DOCK3: variants seen among roughly 807,000 people sequenced by gnomAD.
The protein encoded by DOCK3 is dedicator of cytokinesis 3.
A neutral mutation model predicts 265.6 loss-of-function variants in DOCK3; 60 were observed. The ratio of observed to expected loss-of-function variants is 0.23; its 90% CI spans 0.18 to 0.28. The LOEUF (loss-of-function observed/expected upper bound fraction) is 0.28, where lower values mean the gene tolerates loss of function less well. Ranked by LOEUF, DOCK3 falls within the 10% of genes least tolerant of loss-of-function variation. The pLI is 1.00. For missense variants in DOCK3, 1,981 were observed against 2,594.3 expected (o/e 0.76, Z 5.14); for synonymous variants, 881 against 938.0 (o/e 0.94, Z 1.11).
chr3:50,867,243 T>A (rs1224033456), intron 3 of DOCK3, among the ~76,000 whole-genome samples: 1 of 152,222 alleles, frequency 6.6e-6, no homozygotes, highest in Non-Finnish European at 1.5e-5. Context: ...TGTTGGCATA[T>A]AGAAATGCTA....
chr3:50,885,758 T>C (rs899082716), intron 3 of DOCK3, among the ~76,000 whole-genome samples: 2 of 152,086 alleles, frequency 1.3e-5, no homozygotes, highest in Admixed American at 1.3e-4. Flanking sequence ...CCCTAAACAG[T>C]CAGCCACCTC....
At chr3:50,694,831 AC>A (rs2035506152) in intron 1 of DOCK3, among the ~76,000 whole-genome samples, 1 of 152,206 alleles carries the variant, frequency 6.6e-6, no homozygotes, top group Non-Finnish European at 1.5e-5. Context: ...AAACAAAAAA[AC>A]AAATGAAAAA....
At chr3:50,699,541 C>T (rs1349328151) in intron 1 of DOCK3, among the ~76,000 whole-genome samples, 1 of 151,254 alleles carries the variant, frequency 6.6e-6, no homozygotes, top group African/African-American at 2.4e-5. Flanking sequence ...CAACCTCTGC[C>T]TCCTGGGTTC....
intron 21 of DOCK3, among the ~76,000 whole-genome samples, chr3:51,246,380 G>A (rs373507337): frequency 1.1e-4 from 16 of 152,064 alleles, no homozygotes; most frequent in East Asian, 7.7e-4. Flanking sequence ...CTACAGGCAC[G>A]CACCACCATG....
At chr3:51,135,421 T>C (rs570652851) in intron 9 of DOCK3, among the ~76,000 whole-genome samples, 1 of 152,340 alleles carries the variant, frequency 6.6e-6, no homozygotes, top group South Asian at 2.1e-4. Context: ...ATGCTGCTTC[T>C]CAAGTTTGAA....
At chr3:51,002,402 T>C (rs1223923025) in intron 5 of DOCK3, among the ~76,000 whole-genome samples, 1 of 152,244 alleles carries the variant, frequency 6.6e-6, no homozygotes, top group Admixed American at 6.5e-5. Context: ...GTTTGTCTTT[T>C]CATTTCTTAG....
intron 27 of DOCK3, among the ~76,000 whole-genome samples, chr3:51,301,670 T>C (rs1576713491): frequency 2.0e-5 from 3 of 152,196 alleles, no homozygotes; most frequent in African/African-American, 7.2e-5. Flanking sequence ...TCTTGATTTC[T>C]GCCTTACTTT....
chr3:50,795,546 T>C (rs1440505630), intron 2 of DOCK3, among the ~76,000 whole-genome samples: 2 of 152,170 alleles, frequency 1.3e-5, no homozygotes, highest in East Asian at 1.9e-4. Context: ...CACACCCAGC[T>C]AATTTTTGTA....
chr3:51,069,920 TAGC>T (rs1335374446), intron 6 of DOCK3, among the ~76,000 whole-genome samples: 2 of 152,232 alleles, frequency 1.3e-5, no homozygotes, highest in African/African-American at 4.8e-5. Flanking sequence ...CACCTGAAAT[TAGC>T]AGAAGTTTTC....
intron 2 of DOCK3, among the ~76,000 whole-genome samples, chr3:50,836,808 T>C (rs1025306213): frequency 3.9e-5 from 6 of 152,196 alleles, no homozygotes; most frequent in African/African-American, 1.4e-4. Flanking sequence ...TTTTATGCTA[T>C]GTCACCTCTT....
chr3:51,202,517 C>T (rs2088858819), intron 12 of DOCK3, among the ~76,000 whole-genome samples: 1 of 152,060 alleles, frequency 6.6e-6, no homozygotes, highest in Non-Finnish European at 1.5e-5. Flanking sequence ...GAAATTGTGG[C>T]AATAATCAAT....
chr3:51,326,327 C>T (rs1484515846), intron 32 of DOCK3, among the ~76,000 whole-genome samples: 3 of 150,654 alleles, frequency 2.0e-5, no homozygotes, highest in African/African-American at 7.3e-5. Context: ...GCAGCATGAT[C>T]TCGGCTCACT....
chr3:51,367,317 CT>C (rs533323647), intron 49 of DOCK3, among the ~76,000 whole-genome samples: 4 of 151,466 alleles, frequency 2.6e-5, no homozygotes, highest in African/African-American at 4.8e-5. Context: ...GCAATCCCTG[CT>C]TTTTTTTTGT....
At chr3:51,049,949 A>G (rs1003773311) in intron 5 of DOCK3, among the ~76,000 whole-genome samples, 1 of 152,158 alleles carries the variant, frequency 6.6e-6, no homozygotes, top group African/African-American at 2.4e-5. Context: ...AATTAAGAAA[A>G]TCCCATTTAC....
At chr3:50,793,692 C>G (rs1185771759) in intron 2 of DOCK3, among the ~76,000 whole-genome samples, 1 of 151,978 alleles carries the variant, frequency 6.6e-6, no homozygotes, top group African/African-American at 2.4e-5. Flanking sequence ...AATTCAACCC[C>G]TGCCTTCAAT....
intron 7 of DOCK3, among the ~76,000 whole-genome samples, chr3:51,085,941 A>G (rs2082403470): frequency 6.6e-6 from 1 of 152,230 alleles, no homozygotes; most frequent in African/African-American, 2.4e-5. Context: ...AAGAAGGTCC[A>G]TGCTGAGACC....
At chr3:50,907,351 G>A (rs917487933) in intron 4 of DOCK3, among the ~76,000 whole-genome samples, 2 of 151,866 alleles carry the variant, frequency 1.3e-5, no homozygotes, top group African/African-American at 2.4e-5. Flanking sequence ...TTGACAGTGG[G>A]GTGTTAAAAG....
At chr3:51,135,183 ATCT>A (rs1179488357) in intron 9 of DOCK3, among the ~76,000 whole-genome samples, 2 of 152,134 alleles carry the variant, frequency 1.3e-5, no homozygotes, top group Admixed American at 6.5e-5. Context: ...AATTTATATA[ATCT>A]TCTTTTATAT....
chr3:50,918,128 G>A (rs1048141508), intron 4 of DOCK3, among the ~76,000 whole-genome samples: 1 of 152,096 alleles, frequency 6.6e-6, no homozygotes, highest in Non-Finnish European at 1.5e-5. Context: ...CATGGTGTAT[G>A]TGTGCCACAT....
Sources: allele counts gnomAD v4.1 joint callset (sites outside exome capture counted in the v4.1 genomes callset), GRCh38; gene constraint gnomAD v4.1.1; transcripts MANE v1.5; gene names NCBI Gene and HGNC (gene_info 2026-07-23, HGNC 2026-07-21).